VEZT: variants seen among roughly 807,000 people sequenced by gnomAD.
VEZT encodes vezatin.
Under a neutral mutation model 79.9 loss-of-function variants are expected in VEZT, and 39 were observed. The ratio of observed to expected loss-of-function variants is 0.49; its 90% CI spans 0.38 to 0.64. The LOEUF (loss-of-function observed/expected upper bound fraction) is 0.64. Among genes scored for constraint, VEZT ranks in the 30% least tolerant of loss-of-function variants. The probability of loss-of-function intolerance (pLI) is 0.00; values close to 1 mark genes in which losing one functional copy is unlikely to be tolerated. For missense variants in VEZT, 837 were observed against 893.1 expected, an observed-to-expected ratio of 0.94 and a Z score of 0.80; for synonymous variants, 325 against 327.6, an observed-to-expected ratio of 0.99 and a Z score of 0.09.
intron 7 of VEZT, 83 bp downstream of exon 7, chr12:95,274,972 C>G: frequency 6.8e-7 from 1 of 1,477,324 alleles, no homozygotes; most frequent in African/African-American, 1.4e-5. Context: ...GTAAATAGTG[C>G]GTTTGTTCCA....
chr12:95,297,767 C>T (rs1231711267), intron 11 of VEZT, among the ~76,000 whole-genome samples: 1 of 152,114 alleles, frequency 6.6e-6, no homozygotes, highest in African/African-American at 2.4e-5. Flanking sequence ...CTATAGATAT[C>T]TTCTTATGTT....
At chr12:95,237,596 C>T (rs763453627) in intron 1 of VEZT, among the ~76,000 whole-genome samples, 5 of 152,164 alleles carry the variant, frequency 3.3e-5, no homozygotes, top group African/African-American at 4.8e-5. Context: ...GTATAGCCCC[C>T]ATAGCCTTGG....
chr12:95,246,157 C>CTGTT (rs937200988), intron 1 of VEZT, among the ~76,000 whole-genome samples: 88 of 151,498 alleles, frequency 5.8e-4, no homozygotes, highest in African/African-American at 1.9e-3. Flanking sequence ...GAGTCTCGCT[C>CTGTT]TGTTGCCCAG....
At chr12:95,280,588 C>G (rs954609234) in intron 7 of VEZT, among the ~76,000 whole-genome samples, 2 of 151,240 alleles carry the variant, frequency 1.3e-5, no homozygotes, top group African/African-American at 4.9e-5. Flanking sequence ...TTCCCATCAA[C>G]CAAGAAACAC....
At chr12:95,245,581 A>G (rs2137539024) in intron 1 of VEZT, 2 of 456,748 alleles carry the variant, frequency 4.4e-6, no homozygotes, top group South Asian at 3.1e-5. Flanking sequence ...TCAGTTGCCT[A>G]ATTCTGCCAT....
At chr12:95,256,483 C>T in intron 2 of VEZT, 1 of 849,408 alleles carries the variant, frequency 1.2e-6, no homozygotes, top group Non-Finnish European at 1.6e-6. Flanking sequence ...ATTGTCTCTT[C>T]TTCTATACTA....
intron 11 of VEZT, chr12:95,299,597 T>C (rs570850318): frequency 6.6e-6 from 1 of 152,324 alleles, no homozygotes; most frequent in East Asian, 1.9e-4. Flanking sequence ...TTTTTTTCCA[T>C]GCTGTTTTAA....
chr12:95,239,961 AGAGAGAGAGAGAGAGAGAGAG>A (rs1257108710), intron 1 of VEZT, among the ~76,000 whole-genome samples: 4 of 131,406 alleles, frequency 3.0e-5, no homozygotes, highest in Admixed American at 7.4e-5. Flanking sequence ...AGAGAGAGAG[AGAGAGAGAGAGAGAGAGAGAG>A]GAGAGAGAGA....
chr12:95,300,015 A>C (rs2074979931), intron 11 of VEZT, 150 bp from the exon 12 acceptor site: 1 of 473,492 alleles, frequency 2.1e-6, no homozygotes, highest in African/African-American at 2.0e-5. Flanking sequence ...TGGATTTATA[A>C]ATTTTCATTG....
Position 95,302,209 on chromosome 12 carries a change from A to G in VEZT, c.*1536A>G, listed in dbSNP as rs372974641. ...TTCTTTGGATTTAGAAGAAGCAATT[A>G]TGGAAAAACTTGGTAATCTCTCTCA... On this transcript the variant is annotated 3_prime_UTR_variant, in exon 12 of 12. Transcript: ENST00000436874. 1.2e-4 allele frequency: 18 copies of G among 152,312 alleles called. No individual in the cohort carries two copies. In the East Asian group the frequency reaches 2.9e-3, roughly 24 times the overall value. The allele number at this position is 152,312 out of a possible 1,614,324, so 9.4% of individuals were successfully genotyped here.
At chr12:95,281,672 A>G (rs934653584) in intron 7 of VEZT, among the ~76,000 whole-genome samples, 1 of 151,884 alleles carries the variant, frequency 6.6e-6, no homozygotes, top group Non-Finnish European at 1.5e-5. Flanking sequence ...CGGCCTCCGA[A>G]GTAGCTGAGA....
intron 3 of VEZT, among the ~76,000 whole-genome samples, 157 bp from the exon 4 acceptor site, chr12:95,262,749 C>A (rs1239639799): frequency 6.6e-6 from 1 of 152,088 alleles, no homozygotes; most frequent in East Asian, 1.9e-4. Flanking sequence ...AAAATAAAAC[C>A]CAGCTATCAT....
chr12:95,221,410 C>T (rs2057558510), intron 1 of VEZT, among the ~76,000 whole-genome samples: 1 of 151,416 alleles, frequency 6.6e-6, no homozygotes, highest in African/African-American at 2.4e-5. Context: ...CTAAAAAATA[C>T]AAAAACTAGC....
intron 6 of VEZT, among the ~76,000 whole-genome samples, chr12:95,272,648 T>G (rs1234867083): frequency 2.0e-5 from 3 of 152,204 alleles, no homozygotes; most frequent in African/African-American, 7.2e-5. Context: ...TATACAAGAT[T>G]AGTAATGAGA....
At position 95,301,419 on chromosome 12, in the gene VEZT, A is replaced by C. The variant is rs2075200167; in HGVS notation, c.*746A>C. 1 of 152,170 alleles carries C rather than the reference A, an allele frequency of 6.6e-6. No individual in the cohort carries two copies. The highest frequency in any genetic ancestry group is 1.5e-5 in the Non-Finnish European group (1 of 68,042). The allele number at this position is 152,170 out of a possible 1,614,324, so 9.4% of individuals were successfully genotyped here. The stretch of plus-strand genomic sequence containing the variant: ...CCCCACCCCCAATTTAGCAAGCAGA[A>C]AAACGTTCCTTGTATCACTTTACCT... On this transcript the variant is annotated 3_prime_UTR_variant, in exon 12 of 12. Coordinates refer to ENST00000436874, the MANE Select transcript of VEZT (RefSeq NM_017599.4).
At chr12:95,274,687 G>A (rs1230840500) in intron 6 of VEZT, 55 bp from the exon 7 acceptor site, 4 of 1,545,962 alleles carry the variant, frequency 2.6e-6, no homozygotes, top group Non-Finnish European at 3.5e-6. Flanking sequence ...CAATTTCACT[G>A]TATCTTTTAT....
intron 4 of VEZT, 131 bp downstream of exon 4, chr12:95,263,212 T>A: frequency 2.3e-6 from 2 of 884,580 alleles, no homozygotes; most frequent in Non-Finnish European, 3.2e-6. Context: ...AAAGTAACAA[T>A]ATGGGGGGAA....
At chr12:95,294,471 G>A (rs778072940) in intron 10 of VEZT, 99 bp downstream of exon 10, 41 of 982,600 alleles carry the variant, frequency 4.2e-5, no homozygotes, top group Non-Finnish European at 6.0e-5. Flanking sequence ...CAGATCATTA[G>A]TTCTTAGTGC....
Position 95,276,406 on chromosome 12 carries a change from A to T in VEZT, c.996+1517A>T, listed in dbSNP as rs533932365. Among the ~76,000 whole-genome samples the T allele has an allele frequency of 3.2e-4, 48 of 151,246 alleles. No individual in the cohort carries two copies. In the East Asian group the frequency reaches 5.7e-3, roughly 18 times the overall value. ...TACCTCAGCCTCCCGAGTAGCTGGGACTACAGTTACATGCCTCCACACCCG... is the reference window on the plus strand; with the variant it reads ...TACCTCAGCCTCCCGAGTAGCTGGGTCTACAGTTACATGCCTCCACACCCG... On this transcript the variant is annotated intron_variant, in intron 7 of 11. Coordinates refer to ENST00000436874, the MANE Select transcript of VEZT (RefSeq NM_017599.4).
Sources: allele counts gnomAD v4.1 joint callset (sites outside exome capture counted in the v4.1 genomes callset), GRCh38; gene constraint gnomAD v4.1.1; transcripts MANE v1.5; gene names NCBI Gene and HGNC (gene_info 2026-07-23, HGNC 2026-07-21).